The following WSCD2 variants were observed in gnomAD, a reference collection of about 807,000 sequenced individuals.
WSCD2 encodes the protein sialate:O-sulfotransferase 2.
Under a neutral mutation model 55.7 loss-of-function variants are expected in WSCD2, and 28 were observed. The ratio of observed to expected loss-of-function variants is 0.50; its 90% CI spans 0.37 to 0.69. WSCD2 has a LOEUF of 0.69. Among genes scored for constraint, WSCD2 ranks in the 30% least tolerant of loss-of-function variants. WSCD2 has a pLI of 0.00. For missense variants in WSCD2, 616 were observed against 762.1 expected (o/e 0.81, Z 2.26); for synonymous variants, 301 against 301.9 (o/e 1.00, Z 0.03).
chr12:108,216,544 G>A (rs1006981246), intron 4 of WSCD2, among the ~76,000 whole-genome samples: 1 of 152,234 alleles, frequency 6.6e-6, no homozygotes, highest in Non-Finnish European at 1.5e-5. Flanking sequence ...AAGATCCAAG[G>A]TGTTTTAAGT....
intron 1 of WSCD2, among the ~76,000 whole-genome samples, chr12:108,137,256 C>G (rs1187104080): frequency 6.6e-6 from 1 of 152,226 alleles, no homozygotes; most frequent in East Asian, 1.9e-4. Flanking sequence ...AGGTGTATCA[C>G]CATCATAACT....
In WSCD2 at chr12:108,220,359, A is replaced by G. The variant is rs368112455; in HGVS notation, c.683-4380A>G. Among the ~76,000 whole-genome samples, 20 of 152,318 alleles carry G rather than the reference A, an allele frequency of 1.3e-4. No individual in the cohort carries two copies. In the East Asian group the frequency reaches 3.1e-3, roughly 23 times the overall value. The stretch of plus-strand genomic sequence containing the variant: ...AACTCTTGCAAGCTGGGTGACCTGT[A>G]TCAAGCAGTTTCAGTCCTCTGAGCC... On this transcript the variant is annotated intron_variant, in intron 4 of 8. Transcript: ENST00000547525.
In WSCD2 at chr12:108,248,556, C is replaced by G. The variant is rs1282086927; in HGVS notation, c.*213C>G. 4.4e-6 allele frequency: 6 copies of G among 1,374,280 alleles called. No homozygotes were observed. Among genetic ancestry groups the G allele is most frequent in the Non-Finnish European group, 5.6e-6 (6 of 1,064,992 alleles). 85.1% of individuals were successfully genotyped at this position (1,374,280 alleles called of 1,614,324 possible). ...TACCACTCTGCTCACATGTTCCCCC[C>G]TTGGCAATGTGGGGCATCTTGTTTA... On this transcript the variant is annotated 3_prime_UTR_variant, in exon 9 of 9. Transcript: ENST00000547525. The surrounding 1 kb of genome is among the most constrained non-coding windows in gnomAD (Gnocchi z 4.3).
rs554083062 is a variant in WSCD2, at chr12:108,190,429, C to A, written c.-551-4853C>A. Among the ~76,000 whole-genome samples the A allele has an allele frequency of 1.5e-4, 23 of 152,202 alleles. No individual in the cohort carries two copies. The South Asian group carries it at 4.4e-3, about 29-fold the overall frequency. On this transcript the variant is annotated intron_variant, in intron 1 of 8. Transcript: ENST00000547525. ...CAGTCCCTCCGAACTGCCTCTGCCC[C>A]CCAAGTCAGGTGCTGGGGATTACAG...
chr12:108,213,954 C>T (rs1386623629), intron 4 of WSCD2, among the ~76,000 whole-genome samples: 1 of 152,182 alleles, frequency 6.6e-6, no homozygotes, highest in Non-Finnish European at 1.5e-5. Flanking sequence ...AGACTCTAGG[C>T]AATGTGAAAT....
chr12:108,224,894 G>T (rs759096001), intron 5 of WSCD2, 34 bp downstream of exon 5: 12 of 1,606,152 alleles, frequency 7.5e-6, no homozygotes, highest in Non-Finnish European at 1.0e-5. Context: ...GAACTCAGGG[G>T]GAGGGAACCA....
rs751573334 is a variant in WSCD2, at chr12:108,226,954, A to G, written c.805-36A>G. ...GTCTGAAGCTGTCCAGGGATTTAGC[A>G]ACTCTCTTCCTCTTCTTCTCCCACT... On this transcript the variant is annotated intron_variant, in intron 5 of 8. Coordinates refer to ENST00000547525, the MANE Select transcript of WSCD2 (RefSeq NM_014653.4). The G allele has an allele frequency of 3.1e-6, 5 of 1,593,372 alleles. No homozygotes were observed. In the South Asian group the frequency reaches 5.7e-5, roughly 18 times the overall value.
At chr12:108,246,977 G>A (rs1056488852) in intron 8 of WSCD2, among the ~76,000 whole-genome samples, 1 of 152,174 alleles carries the variant, frequency 6.6e-6, no homozygotes, top group African/African-American at 2.4e-5. Flanking sequence ...CATTGATTGA[G>A]CACCTGCTGA....
intron 6 of WSCD2, among the ~76,000 whole-genome samples, chr12:108,227,803 C>T (rs147821848): frequency 1.3e-5 from 2 of 151,380 alleles, no homozygotes; most frequent in South Asian, 2.1e-4. Flanking sequence ...ATGATTATGA[C>T]GATGGTGATG....
Position 108,195,698 on chromosome 12 carries a change from A to T in WSCD2, c.-135A>T. On this transcript the variant is annotated 5_prime_UTR_variant, in exon 2 of 9. Coordinates refer to ENST00000547525, the MANE Select transcript of WSCD2 (RefSeq NM_014653.4). ...CCCTCCCCTTCTGGCCTTGGTGATCACTTTTTCAGGAAGAGTGAGACTGAG... is the reference window on the plus strand; with the variant it reads ...CCCTCCCCTTCTGGCCTTGGTGATCTCTTTTTCAGGAAGAGTGAGACTGAG... 1 of 1,277,078 alleles carries T rather than the reference A, an allele frequency of 7.8e-7. No individual in the cohort carries two copies. Among genetic ancestry groups the T allele is most frequent in the Non-Finnish European group, 1.1e-6 (1 of 942,974 alleles). The allele number at this position is 1,277,078 out of a possible 1,614,324, so 79.1% of individuals were successfully genotyped here.
intron 3 of WSCD2, among the ~76,000 whole-genome samples, chr12:108,206,971 G>C (rs1442365017): frequency 6.6e-6 from 1 of 152,236 alleles, no homozygotes; most frequent in Non-Finnish European, 1.5e-5. Context: ...GTATCTAATA[G>C]TTTCTCAATA....
At chr12:108,239,261 G>A (rs1889515925) in intron 7 of WSCD2, among the ~76,000 whole-genome samples, 1 of 152,014 alleles carries the variant, frequency 6.6e-6, no homozygotes, top group South Asian at 2.1e-4. Context: ...CCAGCACCTG[G>A]CCCTCCCTTC....
Position 108,227,090 on chromosome 12 carries a change from A to C in WSCD2, c.905A>C (p.Gln302Pro), listed in dbSNP as rs1888186196. ...HDREDEQLCA[Q>P]KCSAEEFESC... The stretch of plus-strand genomic sequence containing the variant: ...AGAGAGGATGAGCAGCTCTGTGCCC[A>C]GAAGTGCAGCGCGGAGGAGTTTGAG... Residue 302 changes from glutamine (Q) to proline (P), a missense_variant, in exon 6 of 9, where the codon CAG becomes CCG. By Grantham distance (76) the Gln-to-Pro change is moderately conservative. This residue lies in a region of WSCD2 where 374 missense variants were observed against 467.4 expected (regional missense o/e 0.80). Transcript: ENST00000547525. The C allele has an allele frequency of 6.2e-7, 1 of 1,614,212 alleles. No individual in the cohort carries two copies. The highest frequency in any genetic ancestry group is 8.5e-7 in the Non-Finnish European group (1 of 1,180,026).
At chr12:108,134,148 G>A (rs1335727730) in intron 1 of WSCD2, among the ~76,000 whole-genome samples, 2 of 152,190 alleles carry the variant, frequency 1.3e-5, no homozygotes, top group Non-Finnish European at 2.9e-5. Context: ...CTGGTGAGGA[G>A]GGCAGGACTG....
intron 1 of WSCD2, among the ~76,000 whole-genome samples, chr12:108,150,496 GAGTGTGTGTGGTGGGGATATTCC>G (rs1877866139): frequency 6.6e-6 from 1 of 152,134 alleles, no homozygotes; most frequent in Non-Finnish European, 1.5e-5. Context: ...GCATGCAAAG[GAGTGTGTGTGGTGGGGATATTCC>G]AGTGTGAGGG....
intron 1 of WSCD2, among the ~76,000 whole-genome samples, chr12:108,163,433 T>A (rs1462181711): frequency 1.3e-5 from 2 of 152,088 alleles, no homozygotes. Flanking sequence ...TTTCTAAGTG[T>A]GGTGGGTTGA....
intron 1 of WSCD2, among the ~76,000 whole-genome samples, chr12:108,147,895 ACT>A (rs1877571065): frequency 6.6e-6 from 1 of 151,528 alleles, no homozygotes; most frequent in Non-Finnish European, 1.5e-5. Context: ...AAATGACCAT[ACT>A]CTTTCTCTCC....
At chr12:108,174,557 A>G (rs939007698) in intron 1 of WSCD2, among the ~76,000 whole-genome samples, 29 of 152,210 alleles carry the variant, frequency 1.9e-4, no homozygotes. Context: ...ACACTGGGTC[A>G]TGCCTATTGC....
chr12:108,138,823 A>C (rs1876491319), intron 1 of WSCD2, among the ~76,000 whole-genome samples: 1 of 151,940 alleles, frequency 6.6e-6, no homozygotes, highest in African/African-American at 2.4e-5. Flanking sequence ...TTTATTTAAC[A>C]CTCCTTTATT....
Sources: gnomAD v4.1 joint callset for allele counts (sites outside exome capture counted in the v4.1 genomes callset) on GRCh38, gnomAD v4.1.1 for gene constraint, gnomAD v4.1.1 regional missense constraint, Gnocchi (gnomAD v3.1) non-coding constraint, MANE v1.5 for transcripts, NCBI Gene and HGNC (gene_info 2026-07-23, HGNC 2026-07-21) for gene names.